PSD3: variants seen among roughly 807,000 people sequenced by gnomAD.
PSD3 encodes the protein PH and SEC7 domain-containing protein 3.
In PSD3, 49 loss-of-function variants were observed where a neutral mutation model predicts 105.5. That is an observed-to-expected ratio of 0.46 (90% CI 0.37 to 0.59). The LOEUF (loss-of-function observed/expected upper bound fraction) is 0.59, where lower values mean the gene tolerates loss of function less well. Ranked by LOEUF, PSD3 falls within the 20% of genes least tolerant of loss-of-function variation. PSD3 has a pLI of 0.00. For synonymous variants in PSD3, 557 were observed against 457.8 expected (o/e 1.22, Z -2.77); for missense variants, 1,561 against 1,263.8 (o/e 1.24, Z -3.57).
At chr8:18,924,610 C>T (rs1455708905) in intron 2 of PSD3, 1 of 152,138 alleles carries the variant, frequency 6.6e-6, no homozygotes. Context: ...AGCAATAACT[C>T]GTAGGTTTCC....
intron 8 of PSD3, among the ~76,000 whole-genome samples, chr8:18,795,558 C>T (rs1810100771): frequency 6.6e-6 from 1 of 152,232 alleles, no homozygotes; most frequent in Admixed American, 6.5e-5. Context: ...TTGTGTATCT[C>T]TTGTGACTTT....
At chr8:18,893,557 G>A (rs1466239871) in intron 2 of PSD3, among the ~76,000 whole-genome samples, 1 of 152,112 alleles carries the variant, frequency 6.6e-6, no homozygotes, top group African/African-American at 2.4e-5. Flanking sequence ...CAAGTATCAA[G>A]TAAAGTGAAA....
chr8:18,709,232 G>A (rs997845672), intron 9 of PSD3, among the ~76,000 whole-genome samples: 11 of 152,198 alleles, frequency 7.2e-5, no homozygotes, highest in African/African-American at 2.7e-4. Flanking sequence ...GACTGTGGCA[G>A]ATCATGGGCT....
At chr8:18,759,345 T>C (rs1220335452) in intron 9 of PSD3, among the ~76,000 whole-genome samples, 1 of 152,196 alleles carries the variant, frequency 6.6e-6, no homozygotes, top group Non-Finnish European at 1.5e-5. Context: ...CACTGTCTTC[T>C]AACTAGAATT....
At chr8:18,560,744 C>T (rs1801346335) in intron 14 of PSD3, among the ~76,000 whole-genome samples, 1 of 152,042 alleles carries the variant, frequency 6.6e-6, no homozygotes, top group African/African-American at 2.4e-5. Flanking sequence ...GAACTCAAAA[C>T]AATACAATAG....
chr8:18,582,206 T>C (rs1418733998), intron 12 of PSD3, among the ~76,000 whole-genome samples: 1 of 152,128 alleles, frequency 6.6e-6, no homozygotes, highest in African/African-American at 2.4e-5. Context: ...CGAGAGTAGT[T>C]GTCTATGTCC....
chr8:18,835,799 A>G (rs1482322165), intron 4 of PSD3, among the ~76,000 whole-genome samples: 2 of 152,186 alleles, frequency 1.3e-5, no homozygotes, highest in African/African-American at 4.8e-5. Flanking sequence ...AGAAATGGCC[A>G]AAGAGGCCAA....
At chr8:18,914,537 T>C (rs934358756) in intron 2 of PSD3, among the ~76,000 whole-genome samples, 1 of 152,134 alleles carries the variant, frequency 6.6e-6, no homozygotes, top group Non-Finnish European at 1.5e-5. Flanking sequence ...AAAATCAGCA[T>C]ACAAAAACCA....
intron 1 of PSD3, chr8:19,001,765 A>G (rs1218373338): frequency 6.5e-6 from 1 of 154,084 alleles, no homozygotes; most frequent in Non-Finnish European, 1.5e-5. Flanking sequence ...AGGTATTCAG[A>G]TGACAGGATT....
intron 1 of PSD3, among the ~76,000 whole-genome samples, chr8:18,991,950 T>C (rs1196325453): frequency 1.3e-5 from 2 of 152,350 alleles, no homozygotes; most frequent in African/African-American, 2.4e-5. Flanking sequence ...TAACAAGTTT[T>C]ACCCTCATTG....
At position 18,801,395 on chromosome 8, in the gene PSD3, T is replaced by C; in HGVS notation, c.1911-13A>G. 1 of 1,512,226 alleles carries C rather than the reference T, an allele frequency of 6.6e-7. No homozygotes were observed. The highest frequency in any genetic ancestry group is 9.1e-7 in the Non-Finnish European group (1 of 1,098,894). The allele number at this position is 1,512,226 out of a possible 1,614,324, so 93.7% of individuals were successfully genotyped here. A position where few individuals can be genotyped will look rare whatever the true frequency, so the allele number is the denominator to read the frequency against. On this transcript the variant is annotated splice_polypyrimidine_tract_variant and intron_variant, in intron 6 of 15. Transcript: ENST00000327040. Reference sequence around the variant, plus strand: ...TTTAAAGAAATACCTACAAGAGAATTAAAAATTTAAACAGTGAAATTTTCG... The same window carrying C: ...TTTAAAGAAATACCTACAAGAGAATCAAAAATTTAAACAGTGAAATTTTCG...
At chr8:19,066,305 A>C (rs1829073892) in intron 1 of PSD3, among the ~76,000 whole-genome samples, 1 of 152,234 alleles carries the variant, frequency 6.6e-6, no homozygotes, top group Non-Finnish European at 1.5e-5. Flanking sequence ...GTTCTGAGAA[A>C]ATTTTTCTTT....
chr8:18,799,034 A>G, intron 8 of PSD3: 1 of 381,720 alleles, frequency 2.6e-6, no homozygotes, highest in South Asian at 3.2e-5. Flanking sequence ...TCTGCCATCT[A>G]CTGGACAAAG....
chr8:18,537,814 T>G (rs1433076266), intron 15 of PSD3, among the ~76,000 whole-genome samples: 1 of 152,150 alleles, frequency 6.6e-6, no homozygotes, highest in Non-Finnish European at 1.5e-5. Context: ...GTGTCTAGGA[T>G]TACAGGCGCA....
chr8:18,972,102 T>A (rs762499629), intron 1 of PSD3, among the ~76,000 whole-genome samples: 39 of 152,180 alleles, frequency 2.6e-4, no homozygotes, highest in Admixed American at 1.9e-3. Flanking sequence ...CTAATTCAAA[T>A]AATAAGGAAT....
intron 1 of PSD3, among the ~76,000 whole-genome samples, chr8:18,942,878 A>C (rs1822639160): frequency 6.6e-6 from 1 of 152,234 alleles, no homozygotes; most frequent in African/African-American, 2.4e-5. Context: ...GGCAAAAGGA[A>C]AATTCTCCAG....
chr8:19,018,508 C>T (rs188413548), upstream of PSD3, among the ~76,000 whole-genome samples: 24 of 152,178 alleles, frequency 1.6e-4, no homozygotes, highest in Non-Finnish European at 2.6e-4. Context: ...AAAGAAAAAA[C>T]ATATAATTTT....
At chr8:19,041,246 A>G (rs1468521223) in intron 1 of PSD3, among the ~76,000 whole-genome samples, 2 of 152,026 alleles carry the variant, frequency 1.3e-5, no homozygotes, top group Non-Finnish European at 2.9e-5. Flanking sequence ...ATGGCCCACT[A>G]CCTCCTGTAA....
At chr8:18,778,294 G>A (rs4921960) in intron 8 of PSD3, among the ~76,000 whole-genome samples, 23,740 of 152,100 alleles carry the variant, frequency 0.16, 3,793 homozygotes, top group East Asian at 0.5. Context: ...TAGACACACT[G>A]CTGAGTTGTG....
Sources: allele counts gnomAD v4.1 joint callset (sites outside exome capture counted in the v4.1 genomes callset), GRCh38; gene constraint gnomAD v4.1.1; transcripts MANE v1.5; gene names NCBI Gene and HGNC (gene_info 2026-07-23, HGNC 2026-07-21).